Variants in PPWD1 observed in about 807,000 individuals in gnomAD.
PPWD1 encodes the protein peptidylprolyl isomerase domain and WD repeat containing 1.
A neutral mutation model predicts 68.8 loss-of-function variants in PPWD1; 43 were observed. That is an observed-to-expected ratio of 0.62 (90% CI 0.49 to 0.81). The LOEUF is 0.81. PPWD1 is among the 30% of genes least tolerant of loss of function. The pLI is 0.00. For synonymous variants in PPWD1, 232 were observed against 258.7 expected (o/e 0.90, Z 0.99); for missense variants, 672 against 804.8 (o/e 0.83, Z 2.00).
chr5:65,585,184 C>CTAAACTGA, intron 9 of PPWD1, 89 bp downstream of exon 9: 1 of 1,301,080 alleles, frequency 7.7e-7, no homozygotes, highest in Non-Finnish European at 1.1e-6. Context: ...TTCTCTCACA[C>CTAAACTGA]TTAATCAGTT....
intron 6 of PPWD1, 182 bp from the exon 7 acceptor site, chr5:65,579,242 T>G: frequency 9.5e-7 from 1 of 1,047,816 alleles, no homozygotes; most frequent in Non-Finnish European, 1.3e-6. Context: ...AACCTGAAAA[T>G]TATAGCTGCC....
At chr5:65,565,807 C>CA (rs35080676) in intron 1 of PPWD1, among the ~76,000 whole-genome samples, 7,087 of 103,156 alleles carry the variant, frequency 0.069, 293 homozygotes, top group Middle Eastern at 0.092. Flanking sequence ...GACTCCGTCT[C>CA]AAAAAAAAAA....
At chr5:65,563,895 G>T (rs1752488920) in intron 1 of PPWD1, 11 of 1,423,848 alleles carry the variant, frequency 7.7e-6, no homozygotes, top group Non-Finnish European at 1.1e-5. Flanking sequence ...TGGTGTTAAT[G>T]TATTAATGTG....
chr5:65,584,844 G>A (rs1753752682), intron 8 of PPWD1, 170 bp from the exon 9 acceptor site: 1 of 538,946 alleles, frequency 1.9e-6, no homozygotes, highest in African/African-American at 2.1e-5. Context: ...CTACTTACAT[G>A]ACCCTCCGTG....
chr5:65,564,405 C>T (rs908897732), intron 1 of PPWD1, among the ~76,000 whole-genome samples: 1 of 151,222 alleles, frequency 6.6e-6, no homozygotes, highest in Non-Finnish European at 1.5e-5. Context: ...CTCGGCTCAC[C>T]GCAACCTCCG....
rs1349576132 is a variant in PPWD1, at chr5:65,585,099, A to G, written c.1614+4A>G. 2.5e-6 allele frequency: 4 copies of G among 1,603,668 alleles called. No homozygotes were observed. Among genetic ancestry groups the G allele is most frequent in the Middle Eastern group, 1.7e-4 (1 of 5,948 alleles). On this transcript the variant is annotated splice_donor_region_variant and intron_variant, in intron 9 of 10. Coordinates refer to ENST00000261308, the MANE Select transcript of PPWD1 (RefSeq NM_015342.4). ...TACATTTCACCGTATAATTAAGGTA[A>G]GTTACATAAATTTCATGTCATATAA...
chr5:65,584,966 T>C (rs755896306), intron 8 of PPWD1, 48 bp from the exon 9 acceptor site: 8 of 1,589,406 alleles, frequency 5.0e-6, no homozygotes, highest in Admixed American at 1.8e-5. Context: ...GAAAACTGTT[T>C]TAAGATGCTC....
intron 4 of PPWD1, 128 bp from the exon 5 acceptor site, chr5:65,571,711 T>A: frequency 7.1e-7 from 1 of 1,408,262 alleles, no homozygotes; most frequent in Non-Finnish European, 9.4e-7. Flanking sequence ...GTGTCTCTGC[T>A]ACTTTTGAGC....
intron 5 of PPWD1, among the ~76,000 whole-genome samples, chr5:65,572,676 A>G (rs1753068653): frequency 6.6e-6 from 1 of 152,070 alleles, no homozygotes; most frequent in Non-Finnish European, 1.5e-5. Context: ...ACCTGGTGCT[A>G]TCTCTTGTCC....
At chr5:65,566,811 CCTTTCTTT>C (rs35782298) in intron 1 of PPWD1, among the ~76,000 whole-genome samples, 1 of 146,776 alleles carries the variant, frequency 6.8e-6, no homozygotes, top group Non-Finnish European at 1.5e-5. Flanking sequence ...TCTCTCCATC[CCTTTCTTT>C]CTTTTTTTTT....
chr5:65,574,482 A>G (rs1753190179), intron 5 of PPWD1, among the ~76,000 whole-genome samples: 2 of 101,326 alleles, frequency 2.0e-5, no homozygotes, highest in South Asian at 3.7e-4. Context: ...TTTGAGACGG[A>G]GTCTCGCCCT....
Position 65,579,417 on chromosome 5 carries a change from T to G in PPWD1, c.1161-7T>G. 6.7e-7 allele frequency: 1 copy of G among 1,494,468 alleles called. No individual in the cohort carries two copies. The highest frequency in any genetic ancestry group is 1.4e-5 in the South Asian group (1 of 72,298). 92.6% of individuals were successfully genotyped at this position (1,494,468 alleles called of 1,614,324 possible). On this transcript the variant is annotated splice_polypyrimidine_tract_variant and splice_region_variant and intron_variant, in intron 6 of 10. Coordinates refer to ENST00000261308, the MANE Select transcript of PPWD1 (RefSeq NM_015342.4). ...TTCTGTTGTATAAAACATTGTTATA[T>G]TTTTAGGTGTGTGCGGATTTTAGGC...
chr5:65,583,011 G>C, intron 7 of PPWD1, 27 bp from the exon 8 acceptor site: 1 of 1,480,496 alleles, frequency 6.8e-7, no homozygotes, highest in East Asian at 2.4e-5. Context: ...TTAATTCGTT[G>C]ACTCACTTTT....
At chr5:65,565,807 CAAAA>C (rs35080676) in intron 1 of PPWD1, among the ~76,000 whole-genome samples, 3 of 103,362 alleles carry the variant, frequency 2.9e-5, no homozygotes, top group Admixed American at 1.0e-4. Context: ...GACTCCGTCT[CAAAA>C]AAAAAAAAAA....
intron 7 of PPWD1, chr5:65,582,801 T>G (rs577428426): frequency 1.1e-5 from 4 of 357,004 alleles, no homozygotes; most frequent in Non-Finnish European, 1.4e-5. Context: ...CCAAAGAAAT[T>G]AAATTCCATT....
intron 1 of PPWD1, 143 bp from the exon 2 acceptor site, chr5:65,567,369 AT>A (rs1752823933): frequency 1.6e-6 from 2 of 1,251,442 alleles, no homozygotes; most frequent in Non-Finnish European, 2.1e-6. Flanking sequence ...AACATACTGG[AT>A]TTTTTAATTG....
intron 10 of PPWD1, among the ~76,000 whole-genome samples, chr5:65,586,580 C>T (rs866153813): frequency 6.6e-6 from 1 of 152,172 alleles, no homozygotes; most frequent in African/African-American, 2.4e-5. Context: ...AATCAGAATA[C>T]ATTAGATTTG....
At chr5:65,576,326 C>T (rs970546071) in intron 5 of PPWD1, 4 of 983,248 alleles carry the variant, frequency 4.1e-6, no homozygotes, top group African/African-American at 3.5e-5. Flanking sequence ...ATTAACCAAC[C>T]GGGTTTTGTT....
Position 65,571,986 on chromosome 5 carries a change from A to G in PPWD1, c.669A>G (p.Thr223=), listed in dbSNP as rs775983245. The stretch of plus-strand genomic sequence containing the variant: ...TTCATATTTTTGACAAACTCCATAC[A>G]TCACCTCTTACTCAGATACGGCTAA... ...QPLHIFDKLH[T]SPLTQIRLNP... Residue 223 remains threonine, a synonymous_variant, in exon 5 of 11, where the codon ACA becomes ACG. Transcript: ENST00000261308. The G allele has an allele frequency of 1.9e-5, 31 of 1,613,850 alleles. No homozygotes were observed. The highest frequency in any genetic ancestry group is 2.3e-5 in the Non-Finnish European group (27 of 1,179,884).
Sources: gnomAD v4.1 joint callset for allele counts (sites outside exome capture counted in the v4.1 genomes callset) on GRCh38, gnomAD v4.1.1 for gene constraint, MANE v1.5 for transcripts, NCBI Gene and HGNC (gene_info 2026-07-23, HGNC 2026-07-21) for gene names.